Variants in AP3B1 observed in about 807,000 individuals in gnomAD.
AP3B1 encodes the protein adaptor related protein complex 3 subunit beta 1.
In AP3B1, 61 loss-of-function variants were observed where a neutral mutation model predicts 132.5. The ratio of observed to expected loss-of-function variants is 0.46; its 90% CI spans 0.37 to 0.57. The LOEUF (loss-of-function observed/expected upper bound fraction) is 0.57, where lower values mean the gene tolerates loss of function less well. Ranked by LOEUF, AP3B1 falls within the 20% of genes least tolerant of loss-of-function variation. AP3B1 has a pLI of 0.00. For synonymous variants in AP3B1, 388 were observed against 438.3 expected (o/e 0.89, Z 1.43); for missense variants, 1,120 against 1,289.4 (o/e 0.87, Z 2.01).
At chr5:78,032,498 C>G (rs913635499) in intron 24 of AP3B1, among the ~76,000 whole-genome samples, 4 of 152,070 alleles carry the variant, frequency 2.6e-5, no homozygotes, top group African/African-American at 9.7e-5. Flanking sequence ...CATCTAAGAC[C>G]AATTGATCTA....
intron 22 of AP3B1, among the ~76,000 whole-genome samples, chr5:78,058,743 G>T (rs1748922492): frequency 6.6e-6 from 1 of 152,136 alleles, no homozygotes; most frequent in African/African-American, 2.4e-5. Context: ...CTACAGCAGG[G>T]CTGCATCTGA....
At chr5:78,151,078 C>A (rs1027772365) in intron 14 of AP3B1, among the ~76,000 whole-genome samples, 3 of 152,068 alleles carry the variant, frequency 2.0e-5, no homozygotes, top group Non-Finnish European at 2.9e-5. Flanking sequence ...ACCACCACGC[C>A]CAGCTAATTT....
intron 4 of AP3B1, 65 bp from the exon 5 acceptor site, chr5:78,227,597 GAC>G (rs1487627281): frequency 2.6e-6 from 4 of 1,530,760 alleles, no homozygotes; most frequent in Admixed American, 1.7e-5. Flanking sequence ...ATATCTTTCA[GAC>G]ACAGTTAATA....
At chr5:78,024,383 C>T (rs1168961157) in intron 24 of AP3B1, among the ~76,000 whole-genome samples, 1 of 151,826 alleles carries the variant, frequency 6.6e-6, no homozygotes, top group Non-Finnish European at 1.5e-5. Context: ...TTTTCTCATT[C>T]CTTTTAAGGT....
At chr5:78,082,099 T>C (rs974382862) in intron 22 of AP3B1, among the ~76,000 whole-genome samples, 1 of 152,206 alleles carries the variant, frequency 6.6e-6, no homozygotes, top group African/African-American at 2.4e-5. Flanking sequence ...CTTATGTTTT[T>C]TGTTTCACTG....
intron 24 of AP3B1, among the ~76,000 whole-genome samples, chr5:78,029,040 T>C (rs1276272269): frequency 2.0e-5 from 3 of 152,194 alleles, no homozygotes. Context: ...AATGAGTATT[T>C]TCTGTACACA....
intron 22 of AP3B1, among the ~76,000 whole-genome samples, chr5:78,044,846 A>C (rs1268481877): frequency 6.6e-6 from 1 of 152,214 alleles, no homozygotes; most frequent in Non-Finnish European, 1.5e-5. Context: ...AAAATATGTT[A>C]AGGGATGAAT....
Position 78,134,044 on chromosome 5 carries a change from A to G in AP3B1, c.1651-4737T>C, listed in dbSNP as rs545520778. ...CGGGCACCCGTAGTCCCAGCTACTC[A>G]GGAGGCTCAGGCAGGAGAATGGCGT... On this transcript the variant is annotated intron_variant, in intron 15 of 26. Transcript: ENST00000255194. Among the ~76,000 whole-genome samples, 963 of 151,384 alleles carry G rather than the reference A, an allele frequency of 6.4e-3. 12 individuals are homozygous for G. Among genetic ancestry groups the G allele is most frequent in the Non-Finnish European group, 7.2e-3 (487 of 67,836 alleles).
At chr5:78,144,001 T>C (rs1329765301) in intron 14 of AP3B1, among the ~76,000 whole-genome samples, 2 of 151,428 alleles carry the variant, frequency 1.3e-5, no homozygotes, top group African/African-American at 2.4e-5. Context: ...CGAGACTCTG[T>C]CTCAAAAAAA....
intron 7 of AP3B1, among the ~76,000 whole-genome samples, chr5:78,196,606 A>T (rs1472543110): frequency 2.0e-5 from 3 of 152,214 alleles, no homozygotes. Flanking sequence ...CAAAACTAGA[A>T]AGTGCTCAAA....
chr5:78,150,179 G>A (rs374150555), intron 14 of AP3B1, among the ~76,000 whole-genome samples: 1 of 152,092 alleles, frequency 6.6e-6, no homozygotes, highest in Non-Finnish European at 1.5e-5. Flanking sequence ...ATTTATTATA[G>A]AACATCACTT....
chr5:78,137,867 T>C (rs1404864550), intron 15 of AP3B1, among the ~76,000 whole-genome samples: 2 of 152,160 alleles, frequency 1.3e-5, no homozygotes, highest in African/African-American at 2.4e-5. Flanking sequence ...CTTATAAAAA[T>C]CAATTTAGAC....
chr5:78,205,941 T>C (rs1745487450), intron 7 of AP3B1, among the ~76,000 whole-genome samples: 1 of 152,222 alleles, frequency 6.6e-6, no homozygotes, highest in Non-Finnish European at 1.5e-5. Flanking sequence ...ATGAAGTTAC[T>C]TATCTAAGAA....
At chr5:78,123,131 A>G (rs1369173934) in intron 17 of AP3B1, among the ~76,000 whole-genome samples, 1 of 152,246 alleles carries the variant, frequency 6.6e-6, no homozygotes, top group African/African-American at 2.4e-5. Flanking sequence ...TGCTGGGAAA[A>G]CTGGCTAGCC....
intron 1 of AP3B1, among the ~76,000 whole-genome samples, chr5:78,278,253 T>C (rs1748869277): frequency 6.6e-6 from 1 of 152,138 alleles, no homozygotes; most frequent in African/African-American, 2.4e-5. Flanking sequence ...TTCCTACAAA[T>C]AGATAAATTC....
At chr5:78,102,958 GA>G (rs1361058698) in intron 20 of AP3B1, among the ~76,000 whole-genome samples, 1 of 152,052 alleles carries the variant, frequency 6.6e-6, no homozygotes, top group East Asian at 1.9e-4. Flanking sequence ...AGAACAGAGA[GA>G]AAAAAGGCTT....
At chr5:78,073,703 C>A (rs1367648841) in intron 22 of AP3B1, among the ~76,000 whole-genome samples, 2 of 151,934 alleles carry the variant, frequency 1.3e-5, no homozygotes, top group Non-Finnish European at 2.9e-5. Flanking sequence ...TTTTAAAAAT[C>A]ATCTTATTTC....
intron 7 of AP3B1, among the ~76,000 whole-genome samples, chr5:78,209,784 A>T (rs1173693179): frequency 6.6e-6 from 1 of 152,234 alleles, no homozygotes; most frequent in Non-Finnish European, 1.5e-5. Flanking sequence ...AGGGTCACTC[A>T]GAAAAATGTT....
intron 7 of AP3B1, among the ~76,000 whole-genome samples, chr5:78,195,590 A>C (rs1014848243): frequency 7.2e-5 from 11 of 152,132 alleles, no homozygotes; most frequent in African/African-American, 2.7e-4. Flanking sequence ...GAAGCTGAGG[A>C]GGGCAGATCA....
Sources: allele counts gnomAD v4.1 joint callset (sites outside exome capture counted in the v4.1 genomes callset), GRCh38; gene constraint gnomAD v4.1.1; transcripts MANE v1.5; gene names NCBI Gene and HGNC (gene_info 2026-07-23, HGNC 2026-07-21).